MGAT4C: variants seen among roughly 807,000 people sequenced by gnomAD.
MGAT4C encodes the protein alpha-1,3-mannosyl-glycoprotein 4-beta-N-acetylglucosaminyltransferase C.
Under a neutral mutation model 40.1 loss-of-function variants are expected in MGAT4C, and 19 were observed. That is an observed-to-expected ratio of 0.47 (90% CI 0.33 to 0.70). The LOEUF is 0.70. MGAT4C is among the 30% of genes least tolerant of loss of function. The probability of loss-of-function intolerance (pLI) is 0.02; values close to 1 mark genes in which losing one functional copy is unlikely to be tolerated. For missense variants in MGAT4C, 491 were observed against 563.2 expected, an observed-to-expected ratio of 0.87 and a Z score of 1.30; for synonymous variants, 181 against 187.1, an observed-to-expected ratio of 0.97 and a Z score of 0.27.
At chr12:86,661,073 G>A (rs539041086) in intron 2 of MGAT4C, among the ~76,000 whole-genome samples, 1 of 152,194 alleles carries the variant, frequency 6.6e-6, no homozygotes, top group East Asian at 1.9e-4. Context: ...GAGAGCTATG[G>A]TTAAAAAGTT....
chr12:86,240,105 T>A (rs1224722664), intron 1 of MGAT4C, among the ~76,000 whole-genome samples: 1 of 151,428 alleles, frequency 6.6e-6, no homozygotes, highest in South Asian at 2.1e-4. Context: ...AGAAAGCAAT[T>A]AATAAATATA....
At chr12:85,999,583 G>GTGTGTGTA (rs1226916126) in intron 2 of MGAT4C, among the ~76,000 whole-genome samples, 1 of 122,966 alleles carries the variant, frequency 8.1e-6, no homozygotes, top group African/African-American at 2.9e-5. Flanking sequence ...GTGTGTGTGT[G>GTGTGTGTA]TATATATATA....
intron 2 of MGAT4C, among the ~76,000 whole-genome samples, chr12:86,551,534 G>C (rs1592977907): frequency 6.6e-6 from 1 of 152,204 alleles, no homozygotes; most frequent in Middle Eastern, 3.4e-3. Flanking sequence ...CCCCCACATT[G>C]GCCAAGTAGC....
At chr12:86,519,737 T>C (rs1041388422) in intron 2 of MGAT4C, among the ~76,000 whole-genome samples, 1 of 152,186 alleles carries the variant, frequency 6.6e-6, no homozygotes, top group African/African-American at 2.4e-5. Context: ...ATTTTACCTA[T>C]TTTTAAATCA....
chr12:86,708,202 G>T (rs1041938162), intron 2 of MGAT4C, among the ~76,000 whole-genome samples: 4 of 152,192 alleles, frequency 2.6e-5, no homozygotes, highest in African/African-American at 9.6e-5. Flanking sequence ...CATCCCAGTT[G>T]TTCAAGCCAT....
At chr12:86,527,439 CT>C (rs1958903655) in intron 2 of MGAT4C, among the ~76,000 whole-genome samples, 1 of 151,976 alleles carries the variant, frequency 6.6e-6, no homozygotes, top group African/African-American at 2.4e-5. Context: ...ATGCCTACAG[CT>C]TTGTTCTTTT....
At chr12:86,151,564 C>T (rs1884286576) in intron 1 of MGAT4C, among the ~76,000 whole-genome samples, 1 of 151,718 alleles carries the variant, frequency 6.6e-6, no homozygotes, top group African/African-American at 2.4e-5. Context: ...CCATTGCACT[C>T]CAGCCTGGGC....
intron 1 of MGAT4C, among the ~76,000 whole-genome samples, chr12:86,088,144 T>A (rs976565237): frequency 6.6e-6 from 1 of 151,890 alleles, no homozygotes; most frequent in Non-Finnish European, 1.5e-5. Flanking sequence ...CTTCAATAAA[T>A]GGTGCTGGGA....
At chr12:86,588,373 C>T (rs1325809017) in intron 2 of MGAT4C, among the ~76,000 whole-genome samples, 1 of 151,874 alleles carries the variant, frequency 6.6e-6, no homozygotes, top group African/African-American at 2.4e-5. Context: ...TATATATGCA[C>T]CCAATACAGG....
chr12:86,419,380 A>G (rs1188069511), intron 3 of MGAT4C, among the ~76,000 whole-genome samples: 3 of 151,580 alleles, frequency 2.0e-5, no homozygotes, highest in Non-Finnish European at 4.4e-5. Context: ...TGAGATATAC[A>G]TACATATATA....
chr12:86,296,439 G>A (rs1229596403), intron 4 of MGAT4C, among the ~76,000 whole-genome samples: 3 of 151,224 alleles, frequency 2.0e-5, no homozygotes, highest in East Asian at 3.9e-4. Context: ...GGGACTGGGC[G>A]CCGTGGAGCA....
chr12:86,283,835 C>T (rs1035744419), intron 4 of MGAT4C, among the ~76,000 whole-genome samples: 3 of 152,022 alleles, frequency 2.0e-5, no homozygotes, highest in Non-Finnish European at 4.4e-5. Flanking sequence ...TTTTCTTCAC[C>T]CTGACAGTTC....
intron 1 of MGAT4C, among the ~76,000 whole-genome samples, chr12:86,252,245 A>T (rs1402349714): frequency 6.6e-6 from 1 of 152,038 alleles, no homozygotes; most frequent in Non-Finnish European, 1.5e-5. Context: ...TTACTGTCTT[A>T]TTCTGCATAC....
At chr12:86,644,766 C>T (rs1963489789) in intron 2 of MGAT4C, among the ~76,000 whole-genome samples, 1 of 151,514 alleles carries the variant, frequency 6.6e-6, no homozygotes, top group Non-Finnish European at 1.5e-5. Flanking sequence ...TTAATTTTAT[C>T]TATATAATGT....
At chr12:86,022,504 G>A (rs1056419706) in intron 2 of MGAT4C, 26 of 152,226 alleles carry the variant, frequency 1.7e-4, no homozygotes, top group Non-Finnish European at 2.9e-5. Flanking sequence ...TTGAGGCCCG[G>A]AGCTTGACAC....
At chr12:86,213,665 T>C (rs560426094) in intron 1 of MGAT4C, among the ~76,000 whole-genome samples, 2 of 152,344 alleles carry the variant, frequency 1.3e-5, no homozygotes, top group East Asian at 3.9e-4. Flanking sequence ...ATGCTAGCCA[T>C]TTTTATATAA....
chr12:86,140,399 A>C (rs1882661515), intron 1 of MGAT4C, among the ~76,000 whole-genome samples: 1 of 152,190 alleles, frequency 6.6e-6, no homozygotes, highest in African/African-American at 2.4e-5. Context: ...ACAAAGGAAC[A>C]GAAAACCAAA....
At position 85,989,479 on chromosome 12, in the gene MGAT4C, C is replaced by T. The variant is rs145205649; in HGVS notation, c.68G>A (p.Arg23His). The T allele has an allele frequency of 3.9e-5, 62 of 1,606,292 alleles. No individual in the cohort carries two copies. Among genetic ancestry groups the T allele is most frequent in the Middle Eastern group, 1.7e-4 (1 of 6,038 alleles). The change falls in exon 3 of 5, where the codon CGT (arginine) becomes CAT (histidine). Residue 23 changes from arginine to histidine, a missense_variant. Physicochemically the swap from Arg to His is conservative, Grantham distance 29 (BLOSUM62 0). Transcript: ENST00000611864. The stretch of plus-strand genomic sequence containing the variant: ...AACTCCCAAGAATGACACTGTAGAA[C>T]GTTTTCTCAGGCATCTCATTTTATC... ...ILDKMRCLRKRSTVSFLGVLV... is the reference protein window; with the variant it reads ...ILDKMRCLRKHSTVSFLGVLV...
chr12:86,118,358 T>C (rs1592988089), intron 1 of MGAT4C, among the ~76,000 whole-genome samples: 1 of 152,144 alleles, frequency 6.6e-6, no homozygotes. Flanking sequence ...GGAGGCATTT[T>C]GGTAGGGATA....
Sources: gnomAD v4.1 joint callset for allele counts (sites outside exome capture counted in the v4.1 genomes callset) on GRCh38, gnomAD v4.1.1 for gene constraint, MANE v1.5 for transcripts, NCBI Gene and HGNC (gene_info 2026-07-23, HGNC 2026-07-21) for gene names.